Variants in FRMD4A observed in about 807,000 individuals in gnomAD.
The protein encoded by FRMD4A is FERM domain containing 4A.
Under a neutral mutation model 129.1 loss-of-function variants are expected in FRMD4A, and 29 were observed. That is an observed-to-expected ratio of 0.22 (90% CI 0.17 to 0.31). The LOEUF is 0.31. Among genes scored for constraint, FRMD4A ranks in the 10% least tolerant of loss-of-function variants. FRMD4A has a pLI of 1.00. For synonymous variants in FRMD4A, 634 were observed against 571.6 expected, an observed-to-expected ratio of 1.11 and a Z score of -1.56; for missense variants, 1,272 against 1,375.8, an observed-to-expected ratio of 0.92 and a Z score of 1.19.
At chr10:14,101,345 C>T (rs1444321831) in intron 2 of FRMD4A, among the ~76,000 whole-genome samples, 1 of 152,144 alleles carries the variant, frequency 6.6e-6, no homozygotes, top group African/African-American at 2.4e-5. Context: ...AGCCACTTCC[C>T]AGACTTTTTT....
At chr10:14,318,317 AT>A (rs1564461529) in intron 2 of FRMD4A, among the ~76,000 whole-genome samples, 15 of 135,778 alleles carry the variant, frequency 1.1e-4, no homozygotes, top group East Asian at 2.1e-4. Context: ...ACCAAGCTAT[AT>A]CCCCCCCCAC....
intron 2 of FRMD4A, among the ~76,000 whole-genome samples, chr10:13,869,734 C>T (rs2094418264): frequency 6.6e-6 from 1 of 152,212 alleles, no homozygotes; most frequent in South Asian, 2.1e-4. Flanking sequence ...CCTGTTTCCT[C>T]CTAGGTTCTG....
chr10:13,958,662 G>C (rs1305863086), intron 2 of FRMD4A, among the ~76,000 whole-genome samples: 3 of 144,898 alleles, frequency 2.1e-5, no homozygotes, highest in Non-Finnish European at 4.5e-5. Context: ...CTCGGCTCAC[G>C]GCAACCTCCG....
At chr10:13,896,523 C>G (rs773908578) in intron 2 of FRMD4A, among the ~76,000 whole-genome samples, 1 of 151,924 alleles carries the variant, frequency 6.6e-6, no homozygotes, top group African/African-American at 2.4e-5. Context: ...CTGTCAGGGT[C>G]TGAGGGGCAA....
chr10:14,125,142 G>T (rs1838761454), intron 2 of FRMD4A, among the ~76,000 whole-genome samples: 1 of 152,156 alleles, frequency 6.6e-6, no homozygotes, highest in South Asian at 2.1e-4. Context: ...AGGGACAGTT[G>T]CCATGACATC....
intron 6 of FRMD4A, among the ~76,000 whole-genome samples, chr10:13,781,306 T>TAAAA (rs1253732948): frequency 0.17 from 13,572 of 79,084 alleles, 1,289 homozygotes; most frequent in South Asian, 0.25. Flanking sequence ...TCTTAAAAAT[T>TAAAA]AAAAAAAAAA....
intron 2 of FRMD4A, among the ~76,000 whole-genome samples, chr10:14,078,696 A>AT (rs1835752753): frequency 6.6e-6 from 1 of 152,214 alleles, no homozygotes; most frequent in African/African-American, 2.4e-5. Context: ...GATGAAAAAA[A>AT]CGAAGCTTGA....
intron 2 of FRMD4A, among the ~76,000 whole-genome samples, chr10:13,942,371 C>T (rs1047575938): frequency 6.6e-6 from 1 of 152,108 alleles, no homozygotes; most frequent in Non-Finnish European, 1.5e-5. Context: ...GCTCTGTGAA[C>T]AAAAGAAGCC....
intron 15 of FRMD4A, among the ~76,000 whole-genome samples, chr10:13,681,082 A>G (rs1200697154): frequency 6.6e-6 from 1 of 152,160 alleles, no homozygotes; most frequent in East Asian, 1.9e-4. Context: ...TCAATAAACA[A>G]CTTACTCGGA....
At chr10:14,174,865 AAGTGTGTGTGTGTCTGTGTG>A (rs1323404955) in intron 2 of FRMD4A, among the ~76,000 whole-genome samples, 1 of 136,854 alleles carries the variant, frequency 7.3e-6, no homozygotes, top group East Asian at 2.2e-4. Context: ...TTAAAAAAAA[AAGTGTGTGTGTGTCTGTGTG>A]TGTGTGTGTG....
intron 21 of FRMD4A, among the ~76,000 whole-genome samples, chr10:13,658,938 C>T (rs2082408996): frequency 6.6e-6 from 1 of 150,970 alleles, no homozygotes; most frequent in South Asian, 2.1e-4. Context: ...CTCATTTTTG[C>T]CTGGCTCTTT....
At chr10:13,961,253 C>T (rs1312768875) in intron 2 of FRMD4A, among the ~76,000 whole-genome samples, 1 of 152,172 alleles carries the variant, frequency 6.6e-6, no homozygotes, top group Non-Finnish European at 1.5e-5. Flanking sequence ...AGGGAGTTAA[C>T]ACGACATGAA....
chr10:13,808,740 G>C (rs1247321896), intron 4 of FRMD4A, among the ~76,000 whole-genome samples: 2 of 152,156 alleles, frequency 1.3e-5, no homozygotes, highest in Non-Finnish European at 2.9e-5. Flanking sequence ...GAAATCTTTT[G>C]CCAGCTCCAG....
chr10:13,948,928 G>T (rs2095352795), intron 2 of FRMD4A, among the ~76,000 whole-genome samples: 1 of 150,844 alleles, frequency 6.6e-6, no homozygotes, highest in Non-Finnish European at 1.5e-5. Flanking sequence ...GGGATTACAG[G>T]TGTGAGCCAC....
chr10:14,016,039 G>A (rs1254234854), intron 2 of FRMD4A, among the ~76,000 whole-genome samples: 1 of 152,182 alleles, frequency 6.6e-6, no homozygotes, highest in Non-Finnish European at 1.5e-5. Flanking sequence ...CTTATTGGAA[G>A]AGTTTTCTTT....
At chr10:13,909,298 T>C (rs752113613) in intron 2 of FRMD4A, among the ~76,000 whole-genome samples, 4 of 152,248 alleles carry the variant, frequency 2.6e-5, no homozygotes, top group Non-Finnish European at 5.9e-5. Flanking sequence ...TTCTCTAGGA[T>C]AAACATTTGG....
At chr10:13,716,802 C>T (rs2088852689) in intron 12 of FRMD4A, among the ~76,000 whole-genome samples, 1 of 152,178 alleles carries the variant, frequency 6.6e-6, no homozygotes, top group South Asian at 2.1e-4. Flanking sequence ...CTCCATTGGA[C>T]TTGATTTCCT....
At chr10:14,168,988 G>GT (rs1841334639) in intron 2 of FRMD4A, among the ~76,000 whole-genome samples, 1 of 152,076 alleles carries the variant, frequency 6.6e-6, no homozygotes. Context: ...AAAGAATAAA[G>GT]TTTTTTCCTG....
intron 2 of FRMD4A, among the ~76,000 whole-genome samples, chr10:14,059,057 A>C (rs776385570): frequency 6.6e-6 from 1 of 152,198 alleles, no homozygotes; most frequent in Non-Finnish European, 1.5e-5. Flanking sequence ...TTATCCAGCC[A>C]TTTTGATGAA....
Sources: allele counts gnomAD v4.1 joint callset (sites outside exome capture counted in the v4.1 genomes callset), GRCh38; gene constraint gnomAD v4.1.1; transcripts MANE v1.5; gene names NCBI Gene and HGNC (gene_info 2026-07-23, HGNC 2026-07-21).